The following FAAH2 variants were observed in gnomAD, a reference collection of about 807,000 sequenced individuals.
FAAH2 encodes fatty acid amide hydrolase 2, also known as fatty-acid amide hydrolase 2.
In FAAH2, 60 loss-of-function variants were observed where a neutral mutation model predicts 36.9. The observed-to-expected ratio is 1.63, with a 90% CI of 1.32 to 2.02. FAAH2 has a LOEUF of 2.02. Ranked by LOEUF, FAAH2 falls within the 30% of genes most tolerant of loss-of-function variation. The pLI, the probability that FAAH2 is intolerant of heterozygous loss-of-function variation, is 0.00. For missense variants in FAAH2, 689 were observed against 397.5 expected, an observed-to-expected ratio of 1.73 and a Z score of -6.23; for synonymous variants, 214 against 143.8, an observed-to-expected ratio of 1.49 and a Z score of -3.49.
the FAAH2 span, among the ~76,000 whole-genome samples, chrX:57,254,490 C>T: frequency 4.5e-5 from 5 of 111,857 alleles, no homozygotes; most frequent in Non-Finnish European, 9.4e-5. Flanking sequence ...AGCACCACAT[C>T]GCACTTATTC....
chrX:57,295,974 C>T (rs1344618199), intron 2 of FAAH2, among the ~76,000 whole-genome samples: 1 of 112,342 alleles, frequency 8.9e-6, no homozygotes. Context: ...CTGGGTGGAG[C>T]CCACCACAGC....
intron 7 of FAAH2, among the ~76,000 whole-genome samples, chrX:57,399,070 G>C (rs1324736353): frequency 9.0e-6 from 1 of 111,555 alleles, no homozygotes; most frequent in Admixed American, 9.5e-5. Flanking sequence ...ATCCACGGTA[G>C]ATCTTAGTCA....
At chrX:57,296,363 A>G (rs1486683479) in intron 2 of FAAH2, among the ~76,000 whole-genome samples, 1 of 112,060 alleles carries the variant, frequency 8.9e-6, no homozygotes, top group Non-Finnish European at 1.9e-5. Flanking sequence ...GACCTCCAGT[A>G]AACTCCAACA....
chrX:57,482,026 C>A (rs2057389334), intron 10 of FAAH2, among the ~76,000 whole-genome samples: 1 of 111,669 alleles, frequency 9.0e-6, no homozygotes, highest in African/African-American at 3.3e-5. Flanking sequence ...CTCCCAGCCT[C>A]CTCAGTGCTT....
chrX:57,188,840 C>A, the FAAH2 span, among the ~76,000 whole-genome samples: 1 of 111,011 alleles, frequency 9.0e-6, no homozygotes, highest in African/African-American at 3.3e-5. Flanking sequence ...TTTCTACCTT[C>A]GAGAATCTGA....
chrX:57,218,977 C>T, the FAAH2 span, among the ~76,000 whole-genome samples: 2 of 111,921 alleles, frequency 1.8e-5, no homozygotes, highest in Non-Finnish European at 3.8e-5. Context: ...TATAACTCCT[C>T]GCTTCTCAGG....
the FAAH2 span, among the ~76,000 whole-genome samples, chrX:57,238,961 G>T: frequency 1.8e-5 from 2 of 111,970 alleles, no homozygotes; most frequent in Admixed American, 1.9e-4. Flanking sequence ...TGAAAATAAG[G>T]TTATTTCATT....
chrX:57,356,511 T>A (rs2054161036), intron 5 of FAAH2, among the ~76,000 whole-genome samples: 1 of 110,844 alleles, frequency 9.0e-6, no homozygotes, highest in Non-Finnish European at 1.9e-5. Flanking sequence ...AATTTATAGA[T>A]TTTCTCTAGG....
chrX:57,269,214 G>A, the FAAH2 span, among the ~76,000 whole-genome samples: 41 of 111,355 alleles, frequency 3.7e-4, 1 homozygote, highest in African/African-American at 9.8e-5. Context: ...GGAGCATCTC[G>A]ATTTATAAGG....
At chrX:57,453,504 C>A (rs1053827109) in intron 10 of FAAH2, among the ~76,000 whole-genome samples, 1 of 111,212 alleles carries the variant, frequency 9.0e-6, no homozygotes, top group African/African-American at 3.3e-5. Flanking sequence ...GATTCCACAA[C>A]CCCCACCACC....
At chrX:57,159,760 G>T in the FAAH2 span, among the ~76,000 whole-genome samples, 1 of 111,743 alleles carries the variant, frequency 8.9e-6, no homozygotes, top group East Asian at 2.8e-4. Flanking sequence ...GGATTTTCTA[G>T]ATATACAATG....
At chrX:57,348,467 A>G (rs1233533000) in intron 5 of FAAH2, among the ~76,000 whole-genome samples, 2 of 111,181 alleles carry the variant, frequency 1.8e-5, no homozygotes, top group Non-Finnish European at 3.8e-5. Context: ...CATTCAAGAA[A>G]GACACCCAGG....
the FAAH2 span, among the ~76,000 whole-genome samples, chrX:57,202,094 T>G: frequency 1.8e-5 from 2 of 112,162 alleles, 1 homozygote; most frequent in East Asian, 5.6e-4. Flanking sequence ...ATAAATTATC[T>G]GTCTGAGAGA....
At chrX:57,342,941 T>A (rs1448646130) in intron 5 of FAAH2, among the ~76,000 whole-genome samples, 2 of 111,803 alleles carry the variant, frequency 1.8e-5, no homozygotes, top group African/African-American at 3.2e-5. Flanking sequence ...TCCATACTAT[T>A]GCAAAGGAAT....
chrX:57,311,785 G>T (rs887454250), intron 3 of FAAH2, among the ~76,000 whole-genome samples: 4 of 112,094 alleles, frequency 3.6e-5, no homozygotes, highest in Admixed American at 1.9e-4. Flanking sequence ...ATTGATGCAC[G>T]TGAGTACTTT....
the FAAH2 span, among the ~76,000 whole-genome samples, chrX:57,252,404 G>A: frequency 1.3e-3 from 150 of 112,407 alleles, 1 homozygote; most frequent in African/African-American, 4.6e-3. Flanking sequence ...CCAGCATGGC[G>A]TTTGAGCTCT....
At chrX:57,390,178 T>G (rs894023825) in intron 7 of FAAH2, among the ~76,000 whole-genome samples, 1 of 111,940 alleles carries the variant, frequency 8.9e-6, no homozygotes, top group African/African-American at 3.2e-5. Context: ...GTGAAAATAC[T>G]TTTTAGTTTG....
At chrX:57,142,871 C>A in the FAAH2 span, among the ~76,000 whole-genome samples, 2 of 111,375 alleles carry the variant, frequency 1.8e-5, no homozygotes, top group African/African-American at 6.5e-5. Flanking sequence ...TTCTTTGTTT[C>A]TTTTTACAGT....
chrX:57,169,911 C>T, the FAAH2 span, among the ~76,000 whole-genome samples: 3 of 109,245 alleles, frequency 2.7e-5, no homozygotes, highest in Admixed American at 3.0e-4. Flanking sequence ...CACACACACC[C>T]TTTTCCAGAA....
Sources: gnomAD v4.1 joint callset for allele counts (sites outside exome capture counted in the v4.1 genomes callset) on GRCh38, gnomAD v4.1.1 for gene constraint, MANE v1.5 for transcripts, NCBI Gene and HGNC (gene_info 2026-07-23, HGNC 2026-07-21) for gene names.